Variants in ELAC2 observed in about 807,000 individuals in gnomAD.
ELAC2 encodes elaC ribonuclease Z 2.
ELAC2 carries 92 observed loss-of-function variants against 105.2 expected under a neutral mutation model. The observed-to-expected ratio is 0.87, with a 90% confidence interval of 0.74 to 1.04. The LOEUF (loss-of-function observed/expected upper bound fraction) is 1.04, where lower values mean the gene tolerates loss of function less well. Ranked by LOEUF, ELAC2 falls within the 50% of genes least tolerant of loss-of-function variation. The probability of loss-of-function intolerance (pLI) is 0.00; values close to 1 mark genes in which losing one functional copy is unlikely to be tolerated. For synonymous variants in ELAC2, 468 were observed against 409.1 expected (o/e 1.14, Z -1.74); for missense variants, 1,099 against 1,071.7 (o/e 1.03, Z -0.36).
At chr17:12,994,547 G>C (rs764948567) in intron 21 of ELAC2, 44 bp from the exon 22 acceptor site, 2 of 1,610,738 alleles carry the variant, frequency 1.2e-6, no homozygotes, top group African/African-American at 1.3e-5. Context: ...CTCTGCGAGA[G>C]CGGCACACAG....
intron 21 of ELAC2, 47 bp downstream of exon 21, chr17:12,994,717 C>A (rs1392278191): frequency 6.2e-7 from 1 of 1,613,200 alleles, no homozygotes; most frequent in South Asian, 1.1e-5. Context: ...TCCAGCTACA[C>A]AAACCCCAGA....
At position 13,013,146 on chromosome 17, in the gene ELAC2, C is replaced by T. The variant is rs61277685; in HGVS notation, c.559+61G>A. ...GCAAGTGTTCAGTTTCTATTTTCAT[C>T]CATGTTTTCTTTACTCAGGACGTAC... On this transcript the variant is annotated intron_variant, in intron 6 of 23. Transcript: ENST00000338034. 7.5e-4 allele frequency: 1,180 copies of T among 1,580,492 alleles called. 8 individuals carry two copies. The African/African-American group carries it at 0.013, about 18-fold the overall frequency.
intron 12 of ELAC2, 81 bp from the exon 13 acceptor site, chr17:13,002,660 G>A (rs1243158746): frequency 1.3e-6 from 2 of 1,548,250 alleles, no homozygotes; most frequent in Non-Finnish European, 1.7e-6. Flanking sequence ...CTCAGGAGTG[G>A]TAATGAGGAT....
rs769849212 is a variant in ELAC2, at chr17:13,011,721, G to A, written c.621C>T (p.Leu207=). ...WQSPERPLSR[L]SPERSSDSES... Reference sequence around the variant, plus strand: ...CGGAGTCTGAAGATCGCTCTGGACTGAGCCTGCTGAGAGGCCTTTCTGGAC... The same window carrying A: ...CGGAGTCTGAAGATCGCTCTGGACTAAGCCTGCTGAGAGGCCTTTCTGGAC... The change falls in exon 7 of 24, where the codon CTC becomes CTT. Residue 207 remains leucine (L), a synonymous_variant. Coordinates refer to ENST00000338034, the MANE Select transcript of ELAC2 (RefSeq NM_018127.7). 5.0e-6 allele frequency: 8 copies of A among 1,614,034 alleles called. No individual in the cohort carries two copies. The highest frequency in any genetic ancestry group is 1.3e-5 in the African/African-American group (1 of 74,918).
At chr17:12,994,683 C>G in intron 21 of ELAC2, 81 bp downstream of exon 21, 1 of 1,611,400 alleles carries the variant, frequency 6.2e-7, no homozygotes, top group Non-Finnish European at 8.5e-7. Flanking sequence ...CTGACGTTTC[C>G]CTGCAAGCCC....
chr17:13,014,290 C>CAAAAAAAAAAAAAAAA, intron 5 of ELAC2, 149 bp downstream of exon 5: 1 of 372,548 alleles, frequency 2.7e-6, no homozygotes, highest in Non-Finnish European at 4.7e-6. Context: ...AGACTCTATC[C>CAAAAAAAAAAAAAAAA]AAAAAAAAAA....
rs752482095 is a variant in ELAC2, at chr17:13,002,433, G to C, written c.1218+8C>G. On this transcript the variant is annotated splice_region_variant and intron_variant, in intron 13 of 23. Coordinates refer to ENST00000338034, the MANE Select transcript of ELAC2 (RefSeq NM_018127.7). ...CTGGGCCGACAAGGGGCCGGTCTGA[G>C]ACACTACCTTACAGCGGAAACTGGT... The C allele has an allele frequency of 3.1e-6, 5 of 1,613,556 alleles. No individual in the cohort carries two copies. The highest frequency in any genetic ancestry group is 4.2e-6 in the Non-Finnish European group (5 of 1,179,772).
chr17:13,011,896 A>C, intron 6 of ELAC2, 114 bp from the exon 7 acceptor site: 1 of 1,510,270 alleles, frequency 6.6e-7, no homozygotes, highest in East Asian at 2.3e-5. Context: ...CACACCTTTT[A>C]CTATACAGTA....
chr17:13,002,938 G>C (rs1346471343), intron 12 of ELAC2, among the ~76,000 whole-genome samples: 1 of 152,148 alleles, frequency 6.6e-6, no homozygotes, highest in Non-Finnish European at 1.5e-5. Flanking sequence ...ATACGGGCAG[G>C]GGCCAAAAAG....
intron 6 of ELAC2, among the ~76,000 whole-genome samples, chr17:13,012,890 A>G (rs1167650224): frequency 6.6e-6 from 1 of 152,188 alleles, no homozygotes; most frequent in African/African-American, 2.4e-5. Context: ...TGATCGTCTG[A>G]TCAAAAGAGG....
rs1433739912 is a variant in ELAC2 at position 12,992,722 on chromosome 17, C to T, written c.*96G>A. ...TATCCTGAGCTGCCTCCTGGGGGAC[C>T]GTGCTCTTCAGCTTCTACCAGCAAG... On this transcript the variant is annotated 3_prime_UTR_variant, in exon 24 of 24. Coordinates refer to ENST00000338034, the MANE Select transcript of ELAC2 (RefSeq NM_018127.7). 4 of 1,458,634 alleles carry T rather than the reference C, an allele frequency of 2.7e-6. No individual in the cohort carries two copies. The highest frequency in any genetic ancestry group is 1.2e-5 in the South Asian group (1 of 85,562). 90.4% of individuals were successfully genotyped at this position (1,458,634 alleles called of 1,614,324 possible).
At chr17:13,006,183 C>A (rs1419715731) in intron 8 of ELAC2, 4 of 595,490 alleles carry the variant, frequency 6.7e-6, no homozygotes, top group Non-Finnish European at 1.2e-5. Context: ...CCAGCCTGAC[C>A]AACGTGGAGA....
rs2040255443 is a variant in ELAC2 at position 12,992,900 on chromosome 17, G to A, written c.2399C>T (p.Ala800Val). ...VRAALLSRELAGGLEDGEPQQ... is the reference protein window; with the variant it reads ...VRAALLSRELVGGLEDGEPQQ... ...AGGCTCCCCATCCTCCAGGCCGCCTGCCAGCTCCCTGGACAGGAGGGCCGC... is the reference window on the plus strand; with the variant it reads ...AGGCTCCCCATCCTCCAGGCCGCCTACCAGCTCCCTGGACAGGAGGGCCGC... The change falls in exon 24 of 24, where the codon GCA (alanine) becomes GTA (valine). Residue 800 changes from alanine to valine, a missense_variant. Coordinates refer to ENST00000338034, the MANE Select transcript of ELAC2 (RefSeq NM_018127.7). The A allele has an allele frequency of 6.2e-7, 1 of 1,611,986 alleles. No individual in the cohort carries two copies. The highest frequency in any genetic ancestry group is 1.7e-5 in the Admixed American group (1 of 59,994).
At chr17:13,016,764 AAAAG>A in intron 3 of ELAC2, 94 bp downstream of exon 3, 1 of 1,216,254 alleles carries the variant, frequency 8.2e-7, no homozygotes, top group Non-Finnish European at 1.2e-6. Context: ...AAAAAAAAAA[AAAAG>A]TAGCTGCCCA....
intron 16 of ELAC2, among the ~76,000 whole-genome samples, chr17:12,997,969 G>A (rs1291121661): frequency 6.6e-6 from 1 of 152,060 alleles, no homozygotes; most frequent in East Asian, 1.9e-4. Flanking sequence ...CAAATGGCTG[G>A]GGGACAATAC....
intron 22 of ELAC2, 126 bp from the exon 23 acceptor site, chr17:12,993,957 G>T: frequency 2.2e-6 from 3 of 1,347,926 alleles, no homozygotes; most frequent in Non-Finnish European, 2.1e-6. Context: ...TTCTTAACGG[G>T]CACCTCCGTA....
chr17:13,002,191 C>G, intron 14 of ELAC2, 83 bp downstream of exon 14: 1 of 1,466,156 alleles, frequency 6.8e-7, no homozygotes, highest in Non-Finnish European at 9.4e-7. Flanking sequence ...GGAGAGCCTC[C>G]TGGAACATTT....
chr17:13,009,383 G>A (rs1252621965), intron 8 of ELAC2, among the ~76,000 whole-genome samples: 1 of 152,110 alleles, frequency 6.6e-6, no homozygotes, highest in Non-Finnish European at 1.5e-5. Flanking sequence ...CAAATTTGTT[G>A]CAAATTGTAT....
At position 13,000,284 on chromosome 17, in the gene ELAC2, G is replaced by C; in HGVS notation, c.1305-10C>G. 6.2e-7 allele frequency: 1 copy of C among 1,612,004 alleles called. No homozygotes were observed. The highest frequency in any genetic ancestry group is 1.3e-5 in the African/African-American group (1 of 75,002). On this transcript the variant is annotated splice_polypyrimidine_tract_variant and intron_variant, in intron 14 of 23. Transcript: ENST00000338034. ...AGTAATAATGGCATCCCTGCAGGAAGAGAGAGAAGCATCTCAGGTGACGGA... is the reference window on the plus strand; with the variant it reads ...AGTAATAATGGCATCCCTGCAGGAACAGAGAGAAGCATCTCAGGTGACGGA...
Sources: gnomAD v4.1 joint callset for allele counts (sites outside exome capture counted in the v4.1 genomes callset) on GRCh38, gnomAD v4.1.1 for gene constraint, MANE v1.5 for transcripts, NCBI Gene and HGNC (gene_info 2026-07-23, HGNC 2026-07-21) for gene names.